ERBB4: variants seen among roughly 807,000 people sequenced by gnomAD.
ERBB4 encodes receptor tyrosine-protein kinase erbB-4.
Under a neutral mutation model 158.0 loss-of-function variants are expected in ERBB4, and 42 were observed. The ratio of observed to expected loss-of-function variants is 0.27; its 90% CI spans 0.21 to 0.34. The LOEUF is 0.34. Ranked by LOEUF, ERBB4 falls within the 10% of genes least tolerant of loss-of-function variation. The pLI is 1.00. For synonymous variants in ERBB4, 583 were observed against 558.7 expected (o/e 1.04, Z -0.61); for missense variants, 1,333 against 1,624.1 (o/e 0.82, Z 3.08).
intron 13 of ERBB4, among the ~76,000 whole-genome samples, chr2:211,674,873 G>A (rs1224842163): frequency 2.0e-5 from 3 of 152,046 alleles, no homozygotes; most frequent in Non-Finnish European, 4.4e-5. Context: ...CATATTACTA[G>A]AACAAAGGTC....
chr2:212,301,350 C>A (rs1222964423), intron 1 of ERBB4, among the ~76,000 whole-genome samples: 1 of 151,210 alleles, frequency 6.6e-6, no homozygotes, highest in Non-Finnish European at 1.5e-5. Flanking sequence ...ATCCCAATTC[C>A]CTGTAATGTA....
intron 1 of ERBB4, among the ~76,000 whole-genome samples, chr2:212,361,163 A>G (rs1055599787): frequency 6.6e-6 from 1 of 151,706 alleles, no homozygotes; most frequent in Non-Finnish European, 1.5e-5. Context: ...GTTTCAGGAT[A>G]AGGGAAATTT....
chr2:212,047,990 A>G (rs974226563), intron 2 of ERBB4, among the ~76,000 whole-genome samples: 16 of 152,160 alleles, frequency 1.1e-4, no homozygotes, highest in Admixed American at 2.0e-4. Flanking sequence ...AGAGGGTTAC[A>G]TTTTATTGGG....
chr2:211,812,124 T>G (rs2076770209), intron 3 of ERBB4, among the ~76,000 whole-genome samples: 2 of 152,234 alleles, frequency 1.3e-5, no homozygotes, highest in African/African-American at 4.8e-5. Flanking sequence ...TTTTAGAATT[T>G]TCAGCTTTTC....
chr2:212,230,589 C>T (rs1219369802), intron 1 of ERBB4, among the ~76,000 whole-genome samples: 1 of 152,150 alleles, frequency 6.6e-6, no homozygotes, highest in Non-Finnish European at 1.5e-5. Context: ...ATGTACCACA[C>T]AACTGTGTCT....
chr2:212,248,945 T>G (rs1559842909), intron 1 of ERBB4, among the ~76,000 whole-genome samples: 1 of 152,180 alleles, frequency 6.6e-6, no homozygotes, highest in Admixed American at 6.5e-5. Context: ...CATATTTATC[T>G]TTTTCTTCAA....
rs1343470932 is a variant in ERBB4 at position 211,704,094 on chromosome 2, A to G, written c.1289+10T>C. 2 of 1,511,910 alleles carry G rather than the reference A, an allele frequency of 1.3e-6. No individual in the cohort carries two copies. Among genetic ancestry groups the G allele is most frequent in the East Asian group, 2.3e-5 (1 of 44,360 alleles). The allele number at this position is 1,511,910 out of a possible 1,614,324, so 93.7% of individuals were successfully genotyped here. ...CTGTGAGCCCTGCAGCTTTAAACAT[A>G]TCCACTTACCTATAGAGTACTCTTC... On this transcript the variant is annotated intron_variant, in intron 11 of 27. Coordinates refer to ENST00000342788, the MANE Select transcript of ERBB4 (RefSeq NM_005235.3).
At chr2:211,863,493 C>T (rs115119740) in intron 3 of ERBB4, among the ~76,000 whole-genome samples, 6,731 of 152,242 alleles carry the variant, frequency 0.044, 255 homozygotes, top group Middle Eastern at 0.068. Flanking sequence ...GTAACACTTA[C>T]CACAGGGGTC....
intron 20 of ERBB4, among the ~76,000 whole-genome samples, chr2:211,441,970 C>A (rs1482872515): frequency 6.6e-6 from 1 of 152,130 alleles, no homozygotes; most frequent in Non-Finnish European, 1.5e-5. Context: ...CTCTTTTTAA[C>A]CATGTGCATT....
intron 3 of ERBB4, among the ~76,000 whole-genome samples, chr2:211,839,937 A>G (rs1364578900): frequency 1.3e-5 from 2 of 152,124 alleles, no homozygotes; most frequent in Non-Finnish European, 2.9e-5. Flanking sequence ...GCTAATAGGT[A>G]ACATGTAGAC....
At chr2:212,013,305 C>G (rs771843614) in intron 2 of ERBB4, among the ~76,000 whole-genome samples, 1 of 152,128 alleles carries the variant, frequency 6.6e-6, no homozygotes, top group African/African-American at 2.4e-5. Context: ...GAAGATTATG[C>G]ACCTTTGAGG....
Position 211,983,076 on chromosome 2 carries a change from C to T in ERBB4, c.235-35460G>A, listed in dbSNP as rs986748848. Reference sequence around the variant, plus strand: ...TGGAATCTCAATTTTATCTCAGGAGCAAGGGGAAGTAATTGAAGGGTGTTG... The same window carrying T: ...TGGAATCTCAATTTTATCTCAGGAGTAAGGGGAAGTAATTGAAGGGTGTTG... On this transcript the variant is annotated intron_variant, in intron 2 of 27. Coordinates refer to ENST00000342788, the MANE Select transcript of ERBB4 (RefSeq NM_005235.3). 4.6e-5 allele frequency among the ~76,000 whole-genome samples: 7 copies of T among 152,026 alleles called. No individual in the cohort carries two copies. In the East Asian group the frequency reaches 1.3e-3, roughly 29 times the overall value.
chr2:211,535,581 G>C (rs989041001), intron 20 of ERBB4: 2 of 129,534 alleles, frequency 1.5e-5, no homozygotes, highest in Admixed American at 7.7e-5. Context: ...AAGAGAGAGA[G>C]AGAGTGTATG....
chr2:211,911,785 C>T (rs368842409), intron 3 of ERBB4, among the ~76,000 whole-genome samples: 3 of 149,638 alleles, frequency 2.0e-5, no homozygotes, highest in African/African-American at 7.4e-5. Context: ...TCAAAGGTTA[C>T]AAATTTCAGT....
At chr2:212,065,743 A>C (rs2077924501) in intron 2 of ERBB4, among the ~76,000 whole-genome samples, 1 of 152,080 alleles carries the variant, frequency 6.6e-6, no homozygotes, top group Admixed American at 6.6e-5. Flanking sequence ...AAGTGAGTGA[A>C]GGTATTCACT....
intron 17 of ERBB4, among the ~76,000 whole-genome samples, chr2:211,627,636 G>C (rs946225618): frequency 6.6e-6 from 1 of 152,142 alleles, no homozygotes; most frequent in African/African-American, 2.4e-5. Flanking sequence ...TCCCATTCCT[G>C]TCAGTGTTCA....
chr2:211,616,074 A>AC (rs1255012313), intron 19 of ERBB4, among the ~76,000 whole-genome samples: 1 of 151,962 alleles, frequency 6.6e-6, no homozygotes, highest in African/African-American at 2.4e-5. Flanking sequence ...ATACCAGATG[A>AC]CCCCCACCCA....
At chr2:212,094,272 TAATAA>T (rs1004972758) in intron 2 of ERBB4, among the ~76,000 whole-genome samples, 7 of 149,282 alleles carry the variant, frequency 4.7e-5, no homozygotes, top group Non-Finnish European at 7.4e-5. Context: ...AAAATAATAA[TAATAA>T]AATAAAATAA....
intron 20 of ERBB4, among the ~76,000 whole-genome samples, chr2:211,436,522 A>T (rs2063859526): frequency 6.6e-6 from 1 of 152,224 alleles, no homozygotes; most frequent in Non-Finnish European, 1.5e-5. Context: ...AAATTAGCAT[A>T]TGCAAAGCAC....
Sources: allele counts gnomAD v4.1 joint callset (sites outside exome capture counted in the v4.1 genomes callset), GRCh38; gene constraint gnomAD v4.1.1; transcripts MANE v1.5; gene names NCBI Gene and HGNC (gene_info 2026-07-23, HGNC 2026-07-21).